PDHB: variants seen among roughly 807,000 people sequenced by gnomAD.
PDHB encodes pyruvate dehydrogenase E1 component subunit beta, mitochondrial.
In PDHB, 17 loss-of-function variants were observed where a neutral mutation model predicts 42.8. The observed-to-expected ratio is 0.40, with a 90% CI of 0.27 to 0.60. The LOEUF is 0.60. Among genes scored for constraint, PDHB ranks in the 20% least tolerant of loss-of-function variants. PDHB has a pLI of 0.46. For synonymous variants in PDHB, 154 were observed against 148.7 expected, an observed-to-expected ratio of 1.04 and a Z score of -0.26; for missense variants, 322 against 451.3, an observed-to-expected ratio of 0.71 and a Z score of 2.60.
At chr3:58,430,349 C>A in intron 6 of PDHB, 111 bp from the exon 7 acceptor site, 1 of 783,660 alleles carries the variant, frequency 1.3e-6, no homozygotes. Flanking sequence ...TGCTGATTAG[C>A]CTTATCTCTA....
chr3:58,428,695 T>A lies in PDHB; in HGVS notation c.793-81A>T, dbSNP rs2062894617. ...ATCCCCATAATACCATTTCCTTTTT[T>A]GTTTCCTGTTAATCTTTGTATCTAG... On this transcript the variant is annotated intron_variant, in intron 8 of 9. Coordinates refer to ENST00000302746, the MANE Select transcript of PDHB (RefSeq NM_000925.4). 1.5e-5 allele frequency: 19 copies of A among 1,250,058 alleles called. No homozygotes were observed. The South Asian group carries it at 2.2e-4, about 14-fold the overall frequency. The allele number at this position is 1,250,058 out of a possible 1,614,324, so 77.4% of individuals were successfully genotyped here.
At chr3:58,430,053 T>G in intron 7 of PDHB, 75 bp downstream of exon 7, 2 of 898,484 alleles carry the variant, frequency 2.2e-6, no homozygotes, top group Non-Finnish European at 3.7e-6. Context: ...TAAATGACAG[T>G]AACTTCTAGA....
chr3:58,433,768 C>T lies in PDHB; in HGVS notation c.42G>A (p.Glu14=). ...ATACAGGCCGCGCGCTGCTGCCTAC[C>T]TCCCGAAGGGGTCTCCGCACCAAGC... ...VSGLVRRPLR[E]VSGLLKRRFH... The change falls in exon 1 of 10, where the codon GAG becomes GAA. Residue 14 remains glutamate (E), a splice_region_variant and synonymous_variant. Coordinates refer to ENST00000302746, the MANE Select transcript of PDHB (RefSeq NM_000925.4). 6.2e-7 allele frequency: 1 copy of T among 1,612,482 alleles called. No homozygotes were observed. Among genetic ancestry groups the T allele is most frequent in the Non-Finnish European group, 8.5e-7 (1 of 1,179,646 alleles).
intron 8 of PDHB, among the ~76,000 whole-genome samples, chr3:58,429,261 A>C (rs560471742): frequency 1.8e-4 from 27 of 152,284 alleles, no homozygotes; most frequent in African/African-American, 6.5e-4. Context: ...ATAGCTGATG[A>C]AACAGATTTA....
intron 2 of PDHB, 50 bp downstream of exon 2, chr3:58,433,581 G>A (rs1203837638): frequency 2.6e-6 from 4 of 1,567,414 alleles, no homozygotes; most frequent in East Asian, 4.6e-5. Context: ...CTTCCCGAGA[G>A]AAGGGGGGAC....
chr3:58,430,378 A>C, intron 6 of PDHB, 140 bp from the exon 7 acceptor site: 1 of 682,486 alleles, frequency 1.5e-6, no homozygotes, highest in Non-Finnish European at 2.5e-6. Context: ...AGCAGCCTTG[A>C]GAGCAGTTTA....
Position 58,431,357 on chromosome 3 carries a change from T to G in PDHB, c.303+236A>C. On this transcript the variant is annotated intron_variant, in intron 5 of 9. Transcript: ENST00000302746. The surrounding 1 kb of genome is among the most constrained non-coding windows in gnomAD (Gnocchi z 4.4). Reference sequence around the variant, plus strand: ...TGAGGCCAGGAGTTCAAGACCAGCCTGGCCAACATGGTAAAACCCCATCTC... The same window carrying G: ...TGAGGCCAGGAGTTCAAGACCAGCCGGGCCAACATGGTAAAACCCCATCTC... The G allele has an allele frequency of 1.9e-6, 1 of 517,730 alleles. No individual in the cohort carries two copies. The highest frequency in any genetic ancestry group is 1.9e-5 in the African/African-American group (1 of 52,234). The allele number at this position is 517,730 out of a possible 1,614,324, so 32.1% of individuals were successfully genotyped here. A position where few individuals can be genotyped will look rare whatever the true frequency, so the allele number is the denominator to read the frequency against.
In PDHB at chr3:58,431,009, C is replaced by A. The variant is rs1226485428; in HGVS notation, c.304-67G>T. On this transcript the variant is annotated intron_variant, in intron 5 of 9. Coordinates refer to ENST00000302746, the MANE Select transcript of PDHB (RefSeq NM_000925.4). The surrounding 1 kb of genome is among the most constrained non-coding windows in gnomAD (Gnocchi z 4.4). ...GCAACAAACAGTAGCAAACAAATCA[C>A]TCCAAGTCTTCCAACATTCAAATAA... 1.4e-6 allele frequency: 2 copies of A among 1,385,718 alleles called. No homozygotes were observed. Among genetic ancestry groups the A allele is most frequent in the African/African-American group, 2.8e-5 (2 of 70,596 alleles). The allele number at this position is 1,385,718 out of a possible 1,614,324, so 85.8% of individuals were successfully genotyped here.
chr3:58,433,616 A>G lies in PDHB; in HGVS notation c.96+15T>C, dbSNP rs1227491179. On this transcript the variant is annotated intron_variant, in intron 2 of 9. Coordinates refer to ENST00000302746, the MANE Select transcript of PDHB (RefSeq NM_000925.4). ...CCCTCCCCGCCCTCGTCCGACGAGCACCCGCGCCTGTTACCTGCAGCGCAG... is the reference window on the plus strand; with the variant it reads ...CCCTCCCCGCCCTCGTCCGACGAGCGCCCGCGCCTGTTACCTGCAGCGCAG... 3 of 1,606,596 alleles carry G rather than the reference A, an allele frequency of 1.9e-6. No homozygotes were observed. Among genetic ancestry groups the G allele is most frequent in the Non-Finnish European group, 2.5e-6 (3 of 1,177,736 alleles).
At chr3:58,433,173 A>G (rs2062938837) in intron 2 of PDHB, 1 of 232,534 alleles carries the variant, frequency 4.3e-6, no homozygotes, top group African/African-American at 2.3e-5. Flanking sequence ...AGAAAAGTAC[A>G]ACAGGGGTTA....
In PDHB at chr3:58,430,249, T is replaced by TA; in HGVS notation, c.590-12dup. The TA allele has an allele frequency of 6.6e-7, 1 of 1,509,508 alleles. No individual in the cohort carries two copies. 93.5% of individuals were successfully genotyped at this position (1,509,508 alleles called of 1,614,324 possible). On this transcript the variant is annotated splice_polypyrimidine_tract_variant and intron_variant, in intron 6 of 9. Transcript: ENST00000302746. ...TCTCTAGCACCACCACTGAAAAACA[T>TA]AAATATTTAAACAAAAGTAATTAAT...
intron 7 of PDHB, 133 bp downstream of exon 7, chr3:58,429,995 T>C: frequency 4.1e-6 from 3 of 739,384 alleles, no homozygotes; most frequent in South Asian, 2.9e-5. Flanking sequence ...CACAACTGAA[T>C]GAGAAATTGG....
At chr3:58,429,543 A>C (rs1346053313) in intron 8 of PDHB, among the ~76,000 whole-genome samples, 165 bp downstream of exon 8, 2 of 152,118 alleles carry the variant, frequency 1.3e-5, no homozygotes, top group Non-Finnish European at 2.9e-5. Flanking sequence ...GAGTGGTAAA[A>C]AGCTAAGTAT....
chr3:58,431,110 C>T lies in PDHB; in HGVS notation c.304-168G>A, dbSNP rs1245044149. 2 of 690,416 alleles carry T rather than the reference C, an allele frequency of 2.9e-6. No homozygotes were observed. The highest frequency in any genetic ancestry group is 5.4e-5 in the East Asian group (2 of 36,744). 42.8% of individuals were successfully genotyped at this position (690,416 alleles called of 1,614,324 possible). A position where few individuals can be genotyped will look rare whatever the true frequency, so the allele number is the denominator to read the frequency against. ...CATGCTGGAGTGCAGTGGCACACAT[C>T]ATAGCTCACTGCAGCCTCTAACTCC... On this transcript the variant is annotated intron_variant, in intron 5 of 9. Transcript: ENST00000302746. The surrounding 1 kb of genome is among the most constrained non-coding windows in gnomAD (Gnocchi z 4.4).
Position 58,430,876 on chromosome 3 carries a change from T to C in PDHB, c.370A>G (p.Ile124Val). 1 of 1,614,172 alleles carries C rather than the reference T, an allele frequency of 6.2e-7. No homozygotes were observed. Among genetic ancestry groups the C allele is most frequent in the South Asian group, 1.1e-5 (1 of 91,084 alleles). Reference sequence around the variant, plus strand: ...TAGTAGGTCTTGGCAGCTGAGTTTATAACCTGGTCAATGGCTTGCATGGAG... The same window carrying C: ...TAGTAGGTCTTGGCAGCTGAGTTTACAACCTGGTCAATGGCTTGCATGGAG... ...NFSMQAIDQV[I>V]NSAAKTYYMS... Residue 124 changes from isoleucine to valine, a missense_variant, in exon 6 of 10, where the codon ATA becomes GTA. Ile to Val is a conservative substitution (Grantham distance 29). Around this residue, in one of 3 missense-constraint regions of PDHB, gnomAD observed 56 missense variants for 124.2 expected, o/e 0.45. Coordinates refer to ENST00000302746, the MANE Select transcript of PDHB (RefSeq NM_000925.4).
Position 58,430,158 on chromosome 3 carries a change from G to T in PDHB, c.670C>A (p.Pro224Thr). 6.2e-7 allele frequency: 1 copy of T among 1,610,170 alleles called. No homozygotes were observed. Residue 224 changes from proline (P) to threonine (T), a missense_variant, in exon 7 of 10, where the codon CCT becomes ACT. By Grantham distance (38) the Pro-to-Thr change is conservative (BLOSUM62 -1). Around this residue, in one of 3 missense-constraint regions of PDHB, gnomAD observed 208 missense variants for 285.0 expected, o/e 0.73. Coordinates refer to ENST00000302746, the MANE Select transcript of PDHB (RefSeq NM_000925.4). Reference protein sequence around the residue: ...PEAQSKDFLIPIGKAKIERQG... With the variant: ...PEAQSKDFLITIGKAKIERQG... ...CTTTCTATTTTGGCTTTTCCAATAG[G>T]AATCAGAAAATCTTTTGACTGAGCT...
At position 58,430,249 on chromosome 3, in the gene PDHB, T is replaced by C; in HGVS notation, c.590-11A>G. ...TCTCTAGCACCACCACTGAAAAACA[T>C]AAATATTTAAACAAAAGTAATTAAT... On this transcript the variant is annotated splice_polypyrimidine_tract_variant and intron_variant, in intron 6 of 9. Coordinates refer to ENST00000302746, the MANE Select transcript of PDHB (RefSeq NM_000925.4). 2.6e-6 allele frequency: 4 copies of C among 1,509,508 alleles called. No homozygotes were observed. Among genetic ancestry groups the C allele is most frequent in the Non-Finnish European group, 3.7e-6 (4 of 1,087,928 alleles). The allele number at this position is 1,509,508 out of a possible 1,614,324, so 93.5% of individuals were successfully genotyped here. A position where few individuals can be genotyped will look rare whatever the true frequency, so the allele number is the denominator to read the frequency against.
At chr3:58,433,472 C>T (rs779020638) in intron 2 of PDHB, 159 bp downstream of exon 2, 82 of 757,864 alleles carry the variant, frequency 1.1e-4, no homozygotes, top group Non-Finnish European at 1.7e-4. Flanking sequence ...AATTGCCAGG[C>T]GGCGACAGAG....
chr3:58,427,953 T>A lies in PDHB; in HGVS notation c.*81A>T. The stretch of plus-strand genomic sequence containing the variant: ...AGAAATCGTTTTCCGTTATGAATAG[T>A]CAGGTCTTGCAGTACAAATCCAGGT... On this transcript the variant is annotated 3_prime_UTR_variant, in exon 10 of 10. Coordinates refer to ENST00000302746, the MANE Select transcript of PDHB (RefSeq NM_000925.4). 2.9e-6 allele frequency: 3 copies of A among 1,018,696 alleles called. No homozygotes were observed. The highest frequency in any genetic ancestry group is 2.3e-4 in the Middle Eastern group (1 of 4,296). 63.1% of individuals were successfully genotyped at this position (1,018,696 alleles called of 1,614,324 possible).
Sources: allele counts gnomAD v4.1 joint callset (sites outside exome capture counted in the v4.1 genomes callset), GRCh38; gene constraint gnomAD v4.1.1; regional missense constraint gnomAD v4.1.1; non-coding constraint Gnocchi (gnomAD v3.1); transcripts MANE v1.5; gene names NCBI Gene and HGNC (gene_info 2026-07-23, HGNC 2026-07-21).